Variants in CNTRL observed in about 807,000 individuals in gnomAD.
The protein encoded by CNTRL is centriolin.
CNTRL carries 233 observed loss-of-function variants against 303.7 expected under a neutral mutation model. That is an observed-to-expected ratio of 0.77 (90% CI 0.69 to 0.86). CNTRL has a LOEUF of 0.86. Ranked by LOEUF, CNTRL falls within the 40% of genes least tolerant of loss-of-function variation. CNTRL has a pLI of 0.00. For synonymous variants in CNTRL, 900 were observed against 922.2 expected, an observed-to-expected ratio of 0.98 and a Z score of 0.44; for missense variants, 2,524 against 2,650.6, an observed-to-expected ratio of 0.95 and a Z score of 1.05.
At chr9:121,132,983 T>C (rs1228679122) in intron 14 of CNTRL, among the ~76,000 whole-genome samples, 3 of 152,134 alleles carry the variant, frequency 2.0e-5, no homozygotes, top group African/African-American at 7.2e-5. Flanking sequence ...GAACAGCAAA[T>C]ATTGCTGCCT....
intron 15 of CNTRL, among the ~76,000 whole-genome samples, chr9:121,136,378 C>T (rs897705655): frequency 3.9e-5 from 6 of 152,092 alleles, no homozygotes; most frequent in South Asian, 2.1e-4. Context: ...GGCATGATGA[C>T]GGCTCACTGC....
Position 121,107,914 on chromosome 9 carries a change from T to A in CNTRL, c.921T>A (p.Asn307Lys). ...LEEIKNQDKL[N>K]KSLKEEAMLQ... ...AAATTAAAAATCAAGATAAATTGAA[T>A]AAATCATTAAAAGAGGAGGCCATGT... The change falls in exon 8 of 44, where the codon AAT (asparagine) becomes AAA (lysine). Residue 307 changes from asparagine (N) to lysine (K), a missense_variant. By Grantham distance (94) the Asn-to-Lys change is moderately conservative. Transcript: ENST00000373855. The A allele has an allele frequency of 6.2e-7, 1 of 1,610,974 alleles. No homozygotes were observed. The highest frequency in any genetic ancestry group is 8.5e-7 in the Non-Finnish European group (1 of 1,178,654).
chr9:121,113,711 A>T lies in CNTRL; in HGVS notation c.1332A>T (p.Lys444Asn). Reference protein sequence around the residue: ...PLDTQLEDKEKKISAAQTRLS... With the variant: ...PLDTQLEDKENKISAAQTRLS... ...ACACGCAACTGGAAGACAAAGAAAA[A>T]AAAATAAGTGCAGGTTAAAAAAAGT... Residue 444 changes from lysine (K) to asparagine (N), a missense_variant, in exon 10 of 44, where the codon AAA (lysine) becomes AAT (asparagine). Lys to Asn is a moderately conservative substitution (Grantham distance 94). Transcript: ENST00000373855. 1 of 1,535,584 alleles carries T rather than the reference A, an allele frequency of 6.5e-7. No homozygotes were observed. The highest frequency in any genetic ancestry group is 1.3e-5 in the South Asian group (1 of 77,898).
chr9:121,088,252 C>G, intron 2 of CNTRL, 44 bp from the exon 3 acceptor site: 1 of 932,628 alleles, frequency 1.1e-6, no homozygotes, highest in South Asian at 1.5e-5. Context: ...GTTTTGATAA[C>G]TCTTAAAAAT....
At chr9:121,085,190 CA>C (rs1252278922) in intron 2 of CNTRL, among the ~76,000 whole-genome samples, 1 of 152,046 alleles carries the variant, frequency 6.6e-6, no homozygotes, top group African/African-American at 2.4e-5. Flanking sequence ...CTCTAAAGTT[CA>C]AAAATAGTTC....
chr9:121,078,413 AAG>A (rs1227239613), intron 1 of CNTRL, among the ~76,000 whole-genome samples: 4 of 152,214 alleles, frequency 2.6e-5, no homozygotes, highest in African/African-American at 9.7e-5. Flanking sequence ...GTCTCAAAAA[AAG>A]AAAAAAATAG....
intron 7 of CNTRL, among the ~76,000 whole-genome samples, chr9:121,103,686 C>G (rs1217525443): frequency 6.6e-6 from 1 of 152,140 alleles, no homozygotes; most frequent in Non-Finnish European, 1.5e-5. Context: ...CTACAAAGAA[C>G]TTAAATTTAC....
Position 121,074,982 on chromosome 9 carries a change from C to T in CNTRL, c.-290C>T, listed in dbSNP as rs1196444899. The T allele has an allele frequency of 2.2e-6, 1 of 455,802 alleles. No homozygotes were observed. Among genetic ancestry groups the T allele is most frequent in the Admixed American group, 2.3e-5 (1 of 42,556 alleles). 28.2% of individuals were successfully genotyped at this position (455,802 alleles called of 1,614,324 possible). ...CCGGCACAACACAACAAAATGGCTG[C>T]CGCGCCGCTGGGCCCCTGAGGAAAG... On this transcript the variant is annotated 5_prime_UTR_variant, in exon 1 of 44. Coordinates refer to ENST00000373855, the MANE Select transcript of CNTRL (RefSeq NM_007018.6).
intron 40 of CNTRL, among the ~76,000 whole-genome samples, chr9:121,171,859 A>G (rs2053317375): frequency 6.6e-6 from 1 of 152,236 alleles, no homozygotes; most frequent in South Asian, 2.1e-4. Flanking sequence ...TGCCATAAAC[A>G]AGTCTATAGG....
chr9:121,140,738 G>C lies in CNTRL; in HGVS notation c.2435G>C (p.Arg812Pro), dbSNP rs141938357. 5.0e-6 allele frequency: 8 copies of C among 1,613,480 alleles called. No individual in the cohort carries two copies. The South Asian group carries it at 7.7e-5, about 16-fold the overall frequency. ...GLVRPEEVAA[R>P]VDELRRKLKL... ...GTTCGTCCAGAAGAAGTGGCAGCTC[G>C]TGTGGATGAGCTAAGAAGAAAACTG... Residue 812 changes from arginine (R) to proline (P), a missense_variant, in exon 17 of 44, where the codon CGT becomes CCT. By Grantham distance (103) the Arg-to-Pro change is moderately radical (BLOSUM62 -2). Transcript: ENST00000373855.
chr9:121,167,423 T>C, intron 36 of CNTRL, 66 bp from the exon 37 acceptor site: 1 of 1,313,004 alleles, frequency 7.6e-7, no homozygotes, highest in Non-Finnish European at 1.1e-6. Flanking sequence ...AGATACTGGA[T>C]TGGCACTGAC....
intron 20 of CNTRL, 52 bp downstream of exon 20, chr9:121,144,134 A>C (rs1438617699): frequency 3.5e-6 from 5 of 1,442,964 alleles, no homozygotes. Flanking sequence ...GCTGTCAAAA[A>C]ACATGGCAAC....
chr9:121,126,946 C>T (rs1411967660), intron 14 of CNTRL, among the ~76,000 whole-genome samples: 2 of 152,018 alleles, frequency 1.3e-5, no homozygotes, highest in Admixed American at 6.6e-5. Context: ...CTCAGCCTCC[C>T]GAGTAGCTGG....
At position 121,144,004 on chromosome 9, in the gene CNTRL, A is replaced by C; in HGVS notation, c.2973A>C (p.Thr991=). 6.2e-7 allele frequency: 1 copy of C among 1,614,054 alleles called. No homozygotes were observed. Among genetic ancestry groups the C allele is most frequent in the South Asian group, 1.1e-5 (1 of 91,068 alleles). The part of the protein sequence containing the change: ...KAVATSDKLA[T]AELTIAKDQL... ...TGGCCACCTCTGATAAGCTAGCCACAGCTGAGCTCACCATTGCCAAAGACC... is the reference window on the plus strand; with the variant it reads ...TGGCCACCTCTGATAAGCTAGCCACCGCTGAGCTCACCATTGCCAAAGACC... Residue 991 remains threonine (T), a synonymous_variant, in exon 20 of 44, where the codon ACA becomes ACC. Coordinates refer to ENST00000373855, the MANE Select transcript of CNTRL (RefSeq NM_007018.6).
intron 7 of CNTRL, among the ~76,000 whole-genome samples, chr9:121,101,978 A>G (rs1475675920): frequency 6.6e-6 from 1 of 152,226 alleles, no homozygotes; most frequent in Non-Finnish European, 1.5e-5. Context: ...AGGTACAAAG[A>G]GGAGCTGGTA....
In CNTRL at chr9:121,115,173, A is replaced by G. The variant is rs781331007; in HGVS notation, c.1428A>G (p.Gln476=). The G allele has an allele frequency of 1.9e-6, 3 of 1,603,200 alleles. No individual in the cohort carries two copies. Among genetic ancestry groups the G allele is most frequent in the South Asian group, 1.1e-5 (1 of 90,252 alleles). ...TGAGAGCTACTGAAGAATTTAAACA[A>G]CTGGAAGAAGCTATACAACTAAAAA... The part of the protein sequence containing the change: ...QILRATEEFK[Q]LEEAIQLKKI... Residue 476 remains glutamine (Q), a synonymous_variant, in exon 11 of 44, where the codon CAA becomes CAG. Coordinates refer to ENST00000373855, the MANE Select transcript of CNTRL (RefSeq NM_007018.6).
intron 11 of CNTRL, among the ~76,000 whole-genome samples, chr9:121,117,230 T>C (rs575922962): frequency 6.6e-6 from 1 of 152,304 alleles, no homozygotes; most frequent in Admixed American, 6.5e-5. Flanking sequence ...AATTATTTAG[T>C]ATGAGATGAT....
chr9:121,133,140 ACACTGTGCTGGGAGAAC>A (rs2050969129), intron 14 of CNTRL, among the ~76,000 whole-genome samples: 1 of 152,180 alleles, frequency 6.6e-6, no homozygotes, highest in African/African-American at 2.4e-5. Context: ...CTGAGCTCAA[ACACTGTGCTGGGAGAAC>A]CACTGCTCTC....
chr9:121,164,668 C>T (rs1370098948), intron 34 of CNTRL, among the ~76,000 whole-genome samples: 2 of 152,152 alleles, frequency 1.3e-5, no homozygotes, highest in Admixed American at 1.3e-4. Context: ...TGTCACAGCT[C>T]CATTTTTATC....
Sources: gnomAD v4.1 joint callset for allele counts (sites outside exome capture counted in the v4.1 genomes callset) on GRCh38, gnomAD v4.1.1 for gene constraint, MANE v1.5 for transcripts, NCBI Gene and HGNC (gene_info 2026-07-23, HGNC 2026-07-21) for gene names.